Variants in LPL observed in about 807,000 individuals in gnomAD.
The protein encoded by LPL is lipoprotein lipase.
In LPL, 43 loss-of-function variants were observed where a neutral mutation model predicts 52.2. That is an observed-to-expected ratio of 0.82 (90% CI 0.64 to 1.06). The LOEUF is 1.06. LPL is among the 50% of genes least tolerant of loss of function. The pLI, the probability that LPL is intolerant of heterozygous loss-of-function variation, is 0.00. For missense variants in LPL, 639 were observed against 585.3 expected, an observed-to-expected ratio of 1.09 and a Z score of -0.95; for synonymous variants, 244 against 215.6, an observed-to-expected ratio of 1.13 and a Z score of -1.15.
At chr8:19,955,363 T>C (rs2069974788) in intron 5 of LPL, among the ~76,000 whole-genome samples, 3 of 152,156 alleles carry the variant, frequency 2.0e-5, no homozygotes, top group Middle Eastern at 3.2e-3. Flanking sequence ...GAGAAGCACG[T>C]GATGGTTTGA....
At chr8:19,945,719 C>T (rs759459721) in intron 1 of LPL, among the ~76,000 whole-genome samples, 20 of 152,122 alleles carry the variant, frequency 1.3e-4, no homozygotes, top group South Asian at 4.2e-4. Context: ...TCCAGGGACA[C>T]CAAGTTGCAT....
chr8:19,958,574 A>C (rs943129914), intron 6 of LPL, among the ~76,000 whole-genome samples: 1 of 151,808 alleles, frequency 6.6e-6, no homozygotes, highest in Non-Finnish European at 1.5e-5. Flanking sequence ...TTTTAAAAAA[A>C]ATTTTATTTA....
rs2069925466 is a variant in LPL at position 19,950,634 on chromosome 8, T to G, written c.250-1135T>G. 6.6e-6 allele frequency among the ~76,000 whole-genome samples: 1 copy of G among 152,120 alleles called. No individual in the cohort carries two copies. The highest frequency in any genetic ancestry group is 6.6e-5 in the Admixed American group (1 of 15,264). On this transcript the variant is annotated intron_variant, in intron 2 of 9. Transcript: ENST00000650287. The surrounding 1 kb of genome is among the most constrained non-coding windows in gnomAD (Gnocchi z 4.2). Reference sequence around the variant, plus strand: ...GGCCAACATGGGGAAACCCAATCTCTACTAAAAAAATACAAAAAAATTAGC... The same window carrying G: ...GGCCAACATGGGGAAACCCAATCTCGACTAAAAAAATACAAAAAAATTAGC...
At position 19,944,329 on chromosome 8, in the gene LPL, C is replaced by T. The variant is rs191504807; in HGVS notation, c.89-3851C>T. On this transcript the variant is annotated intron_variant, in intron 1 of 9. Coordinates refer to ENST00000650287, the MANE Select transcript of LPL (RefSeq NM_000237.3). This position sits in a 1 kb window ranked among gnomAD's most constrained non-coding sequence, Gnocchi z 4.2. Reference sequence around the variant, plus strand: ...ATGTTTTTCTTCACCAAATCGACCACATCAGTAATTCACTTTGTTCTTCGA... The same window carrying T: ...ATGTTTTTCTTCACCAAATCGACCATATCAGTAATTCACTTTGTTCTTCGA... Among the ~76,000 whole-genome samples, 172 of 152,198 alleles carry T rather than the reference C, an allele frequency of 1.1e-3. 1 individual carries two copies. Among genetic ancestry groups the T allele is most frequent in the African/African-American group, 4.0e-3 (166 of 41,530 alleles).
intron 1 of LPL, among the ~76,000 whole-genome samples, chr8:19,940,439 C>A (rs1294165478): frequency 6.6e-6 from 1 of 152,218 alleles, no homozygotes; most frequent in Non-Finnish European, 1.5e-5. Context: ...AGGCAGCGAG[C>A]ACAACGGTGG....
rs781614031 is a variant in LPL, at chr8:19,954,125, G to C, written c.547G>C (p.Asp183His). Residue 183 changes from aspartate to histidine, a missense_variant, in exon 5 of 10, where the codon GAT becomes CAT. Coordinates refer to ENST00000650287, the MANE Select transcript of LPL (RefSeq NM_000237.3). ...NKKVNRITGL[D>H]PAGPNFEYAE... is the part of the protein sequence containing the mutation. Reference sequence around the variant, plus strand: ...CTGCTTTTTTCCCTTTTAAGGCCTCGATCCAGCTGGACCTAACTTTGAGTA... The same window carrying C: ...CTGCTTTTTTCCCTTTTAAGGCCTCCATCCAGCTGGACCTAACTTTGAGTA... 1 of 1,613,668 alleles carries C rather than the reference G, an allele frequency of 6.2e-7. No individual in the cohort carries two copies. The highest frequency in any genetic ancestry group is 8.5e-7 in the Non-Finnish European group (1 of 1,179,642).
chr8:19,945,221 A>G (rs2069872477), intron 1 of LPL, among the ~76,000 whole-genome samples: 1 of 152,144 alleles, frequency 6.6e-6, no homozygotes, highest in Non-Finnish European at 1.5e-5. Context: ...AAATATACTG[A>G]CTGCCCCACA....
Position 19,960,919 on chromosome 8 carries a change from T to G in LPL, c.1158T>G (p.Asn386Lys), listed in dbSNP as rs1051237995. The G allele has an allele frequency of 1.9e-6, 3 of 1,613,704 alleles. No homozygotes were observed. Among genetic ancestry groups the G allele is most frequent in the Non-Finnish European group, 2.5e-6 (3 of 1,179,894 alleles). ...IPFTLPEVST[N>K]KTYSFLIYTE... ...TGTTTAGGCCTGAAGTTTCCACAAA[T>G]AAGACCTACTCCTTCCTAATTTACA... Residue 386 changes from asparagine (N) to lysine (K), a missense_variant, in exon 8 of 10, where the codon AAT (asparagine) becomes AAG (lysine). Asn to Lys is a moderately conservative substitution (Grantham distance 94). Coordinates refer to ENST00000650287, the MANE Select transcript of LPL (RefSeq NM_000237.3).
Position 19,954,109 on chromosome 8 carries a change from T to G in LPL, c.542-11T>G. On this transcript the variant is annotated splice_polypyrimidine_tract_variant and intron_variant, in intron 4 of 9. Coordinates refer to ENST00000650287, the MANE Select transcript of LPL (RefSeq NM_000237.3). The stretch of plus-strand genomic sequence containing the variant: ...TTACAAATCTGTGTTCCTGCTTTTT[T>G]CCCTTTTAAGGCCTCGATCCAGCTG... 1 of 1,602,212 alleles carries G rather than the reference T, an allele frequency of 6.2e-7. No homozygotes were observed. The highest frequency in any genetic ancestry group is 2.2e-5 in the East Asian group (1 of 44,822).
chr8:19,948,217 C>A lies in LPL; in HGVS notation c.126C>A (p.Ala42=). The change falls in exon 2 of 10, where the codon GCC becomes GCA. Residue 42 remains alanine, a synonymous_variant. Coordinates refer to ENST00000650287, the MANE Select transcript of LPL (RefSeq NM_000237.3). ...RDFIDIESKF[A]LRTPEDTAED... ...TTATCGACATCGAAAGTAAATTTGC[C>A]CTAAGGACCCCTGAAGACACAGCTG... 2 of 1,614,112 alleles carry A rather than the reference C, an allele frequency of 1.2e-6. No homozygotes were observed. The highest frequency in any genetic ancestry group is 1.7e-6 in the Non-Finnish European group (2 of 1,180,008).
In LPL at chr8:19,950,089, G is replaced by A. The variant is rs755857862; in HGVS notation, c.250-1680G>A. Among the ~76,000 whole-genome samples the A allele has an allele frequency of 1.3e-5, 2 of 152,146 alleles. No individual in the cohort carries two copies. The highest frequency in any genetic ancestry group is 2.9e-5 in the Non-Finnish European group (2 of 68,026). On this transcript the variant is annotated intron_variant, in intron 2 of 9. Transcript: ENST00000650287. The surrounding 1 kb of genome is among the most constrained non-coding windows in gnomAD (Gnocchi z 4.2). ...CATCATGTGTCCTGACATTTTGAGT[G>A]CTTGAGCACAGAGACTGCTGTCTGG...
intron 5 of LPL, 62 bp from the exon 6 acceptor site, chr8:19,955,779 A>G: frequency 1.9e-6 from 3 of 1,610,514 alleles, no homozygotes; most frequent in Non-Finnish European, 2.5e-6. Context: ...TAGACATGCC[A>G]AATGAAACAC....
intron 6 of LPL, among the ~76,000 whole-genome samples, chr8:19,957,699 G>C (rs372948461): frequency 2.2e-4 from 33 of 152,216 alleles, no homozygotes; most frequent in African/African-American, 7.9e-4. Flanking sequence ...TTTTGTTGTT[G>C]TTCTTCTGTT....
At chr8:19,959,618 T>C (rs529264019) in intron 7 of LPL, among the ~76,000 whole-genome samples, 2 of 152,124 alleles carry the variant, frequency 1.3e-5, no homozygotes, top group African/African-American at 4.8e-5. Context: ...ATCTGTTTAT[T>C]TCTTTTATAA....
intron 5 of LPL, among the ~76,000 whole-genome samples, chr8:19,954,926 A>T (rs259): frequency 0.014 from 2,196 of 151,548 alleles, 59 homozygotes; most frequent in African/African-American, 0.051. Context: ...CTGGTCTCAA[A>T]CTCCTGGCCT....
chr8:19,955,446 A>G lies in LPL; in HGVS notation c.776-395A>G, dbSNP rs187320724. ...TTTTGACTTACAGTATTTTTGACTTATGAAGAATTTATTGTAAGGCAAGGG... is the reference window on the plus strand; with the variant it reads ...TTTTGACTTACAGTATTTTTGACTTGTGAAGAATTTATTGTAAGGCAAGGG... On this transcript the variant is annotated intron_variant, in intron 5 of 9. Coordinates refer to ENST00000650287, the MANE Select transcript of LPL (RefSeq NM_000237.3). Among the ~76,000 whole-genome samples, 23 of 152,292 alleles carry G rather than the reference A, an allele frequency of 1.5e-4. 1 individual carries two copies. Among genetic ancestry groups the G allele is most frequent in the Admixed American group, 1.4e-3 (22 of 15,300 alleles).
intron 2 of LPL, among the ~76,000 whole-genome samples, chr8:19,949,035 G>T (rs965624613): frequency 6.6e-6 from 1 of 152,028 alleles, no homozygotes; most frequent in Non-Finnish European, 1.5e-5. Flanking sequence ...ATTGTTAAAA[G>T]TCCCCTCTCT....
rs1008843820 is a variant in LPL at position 19,939,666 on chromosome 8, C to G, written c.88+138C>G. 1.0e-5 allele frequency: 9 copies of G among 861,460 alleles called. No individual in the cohort carries two copies. Among genetic ancestry groups the G allele is most frequent in the Non-Finnish European group, 1.6e-5 (9 of 559,734 alleles). 53.4% of individuals were successfully genotyped at this position (861,460 alleles called of 1,614,324 possible). A position where few individuals can be genotyped will look rare whatever the true frequency, so the allele number is the denominator to read the frequency against. ...ACTCTCCCAGCCTGGGCTCTAGCCCCGAAACGGTCCCCGGAGTGGGATCCA... is the reference window on the plus strand; with the variant it reads ...ACTCTCCCAGCCTGGGCTCTAGCCCGGAAACGGTCCCCGGAGTGGGATCCA... On this transcript the variant is annotated intron_variant, in intron 1 of 9. Transcript: ENST00000650287. This position sits in a 1 kb window ranked among gnomAD's most constrained non-coding sequence, Gnocchi z 4.0.
At chr8:19,940,410 G>A (rs1474049862) in intron 1 of LPL, among the ~76,000 whole-genome samples, 1 of 152,204 alleles carries the variant, frequency 6.6e-6, no homozygotes, top group South Asian at 2.1e-4. Flanking sequence ...AGCACGTGGG[G>A]TTGACGGGCG....
Sources: gnomAD v4.1 joint callset for allele counts (sites outside exome capture counted in the v4.1 genomes callset) on GRCh38, gnomAD v4.1.1 for gene constraint, Gnocchi (gnomAD v3.1) non-coding constraint, MANE v1.5 for transcripts, NCBI Gene and HGNC (gene_info 2026-07-23, HGNC 2026-07-21) for gene names.